Variants in FRAS1 observed in about 807,000 individuals in gnomAD.
FRAS1 encodes the protein extracellular matrix organizing protein FRAS1.
FRAS1 carries 290 observed loss-of-function variants against 435.2 expected under a neutral mutation model. The observed-to-expected ratio is 0.67, with a 90% confidence interval of 0.61 to 0.73. The LOEUF (loss-of-function observed/expected upper bound fraction) is 0.73. Ranked by LOEUF, FRAS1 falls within the 30% of genes least tolerant of loss-of-function variation. The probability of loss-of-function intolerance (pLI) is 0.00; values close to 1 mark genes in which losing one functional copy is unlikely to be tolerated. For synonymous variants in FRAS1, 1,800 were observed against 1,851.0 expected (o/e 0.97, Z 0.71); for missense variants, 4,860 against 5,001.5 (o/e 0.97, Z 0.85).
At chr4:78,443,111 G>A (rs1734721463) in intron 41 of FRAS1, among the ~76,000 whole-genome samples, 1 of 152,194 alleles carries the variant, frequency 6.6e-6, no homozygotes, top group Non-Finnish European at 1.5e-5. Flanking sequence ...CACTTTGGGA[G>A]GCCAAGGTGG....
At position 78,450,309 on chromosome 4, in the gene FRAS1, C is replaced by A. The variant is rs756005814; in HGVS notation, c.6433C>A (p.Arg2145=). ...LEQISIKGPI[R]SFTQADISQG... ...GCAAATTTCTATTAAAGGCCCCATC[C>A]GAAGTTTCACCCAGGCAGACATTAG... The change falls in exon 45 of 74, where the codon CGA becomes AGA. Residue 2145 remains arginine (R), a synonymous_variant. Coordinates refer to ENST00000512123, the MANE Select transcript of FRAS1 (RefSeq NM_025074.7). 3 of 1,613,718 alleles carry A rather than the reference C, an allele frequency of 1.9e-6. No homozygotes were observed. The highest frequency in any genetic ancestry group is 2.5e-6 in the Non-Finnish European group (3 of 1,179,796).
intron 6 of FRAS1, among the ~76,000 whole-genome samples, chr4:78,262,462 G>T (rs968164267): frequency 6.6e-6 from 1 of 152,186 alleles, no homozygotes; most frequent in African/African-American, 2.4e-5. Context: ...GTTAGAGCTA[G>T]GAAGGTGGAA....
chr4:78,391,541 G>A (rs967217453), intron 29 of FRAS1, among the ~76,000 whole-genome samples: 5 of 152,098 alleles, frequency 3.3e-5, no homozygotes, highest in Admixed American at 2.6e-4. Context: ...TCTACTACTG[G>A]GGTTTCAAGG....
intron 56 of FRAS1, 35 bp downstream of exon 56, chr4:78,479,753 TC>T: frequency 6.9e-7 from 1 of 1,456,168 alleles, no homozygotes; most frequent in Non-Finnish European, 9.2e-7. Flanking sequence ...CCTTCACCTG[TC>T]TCCTGATTCC....
intron 56 of FRAS1, among the ~76,000 whole-genome samples, chr4:78,481,074 G>A (rs74693511): frequency 0.011 from 1,745 of 152,278 alleles, 30 homozygotes; most frequent in African/African-American, 0.04. Flanking sequence ...TTCCCATACA[G>A]CAAATGCCCA....
At chr4:78,354,023 T>TAAAAAAAAAAAAAAA (rs767987937) in intron 20 of FRAS1, among the ~76,000 whole-genome samples, 14 of 106,050 alleles carry the variant, frequency 1.3e-4, no homozygotes, top group East Asian at 4.0e-4. Context: ...AAAAATAAAA[T>TAAAAAAAAAAAAAAA]AAAAAAAAAA....
Position 78,391,543 on chromosome 4 carries a change from G to T in FRAS1, c.3975+3842G>T, listed in dbSNP as rs546610144. On this transcript the variant is annotated intron_variant, in intron 29 of 73. Coordinates refer to ENST00000512123, the MANE Select transcript of FRAS1 (RefSeq NM_025074.7). Reference sequence around the variant, plus strand: ...TGGTGGGCTTCTGTCTACTACTGGGGTTTCAAGGAATTGTCTTCTTTTTCA... The same window carrying T: ...TGGTGGGCTTCTGTCTACTACTGGGTTTTCAAGGAATTGTCTTCTTTTTCA... Among the ~76,000 whole-genome samples, 3 of 152,186 alleles carry T rather than the reference G, an allele frequency of 2.0e-5. No individual in the cohort carries two copies. In the South Asian group the frequency reaches 6.2e-4, roughly 32 times the overall value.
chr4:78,336,432 C>G (rs1442074462), intron 19 of FRAS1, among the ~76,000 whole-genome samples: 1 of 152,154 alleles, frequency 6.6e-6, no homozygotes, highest in Non-Finnish European at 1.5e-5. Flanking sequence ...CCTCTTTCCG[C>G]TGGGAGCCAG....
At chr4:78,145,709 T>C (rs1475384744) in intron 2 of FRAS1, among the ~76,000 whole-genome samples, 11 of 152,208 alleles carry the variant, frequency 7.2e-5, no homozygotes, top group Admixed American at 7.2e-4. Context: ...ATCAAGAGAT[T>C]CTTAAAAAGT....
intron 44 of FRAS1, 53 bp downstream of exon 44, chr4:78,448,369 T>G (rs1718920571): frequency 6.7e-7 from 1 of 1,492,092 alleles, no homozygotes. Context: ...TTATTTCTTC[T>G]TTGTCCAGTA....
intron 2 of FRAS1, among the ~76,000 whole-genome samples, chr4:78,185,260 G>A (rs941522227): frequency 6.6e-6 from 1 of 152,200 alleles, no homozygotes; most frequent in Non-Finnish European, 1.5e-5. Context: ...AGCAAATAGA[G>A]TGAAAGGCAA....
rs1198552405 is a variant in FRAS1, at chr4:78,220,944, G to A, written c.109-16566G>A. Among the ~76,000 whole-genome samples the A allele has an allele frequency of 5.3e-5, 8 of 152,314 alleles. No individual in the cohort carries two copies. The East Asian group carries it at 1.5e-3, about 29-fold the overall frequency. Reference sequence around the variant, plus strand: ...TGACTTTGGGAGGCTGAGGCGGGCAGATGGCTTGAGCTTAGGCATTTGAGA... The same window carrying A: ...TGACTTTGGGAGGCTGAGGCGGGCAAATGGCTTGAGCTTAGGCATTTGAGA... On this transcript the variant is annotated intron_variant, in intron 2 of 73. Transcript: ENST00000512123.
At chr4:78,339,929 G>C (rs2110269231) in intron 20 of FRAS1, among the ~76,000 whole-genome samples, 1 of 152,230 alleles carries the variant, frequency 6.6e-6, no homozygotes, top group South Asian at 2.1e-4. Context: ...TTAGAAGGTA[G>C]GACCTGAATT....
intron 2 of FRAS1, among the ~76,000 whole-genome samples, chr4:78,098,068 G>A (rs766860463): frequency 1.1e-4 from 17 of 152,024 alleles, no homozygotes; most frequent in South Asian, 2.1e-4. Flanking sequence ...GTAGTAATTC[G>A]TTATGGCAGC....
At position 78,452,273 on chromosome 4, in the gene FRAS1, C is replaced by T; in HGVS notation, c.6682C>T (p.Gln2228Ter). 1 of 1,613,796 alleles carries T rather than the reference C, an allele frequency of 6.2e-7. No individual in the cohort carries two copies. Among genetic ancestry groups the T allele is most frequent in the Non-Finnish European group, 8.5e-7 (1 of 1,179,762 alleles). Residue 2228 changes from glutamine (Q) to a stop codon, truncating the protein, a stop_gained, in exon 47 of 74, where the codon CAG becomes TAG. Coordinates refer to ENST00000512123, the MANE Select transcript of FRAS1 (RefSeq NM_025074.7). LOFTEE classifies it high-confidence loss of function. ...ITTLQLSATD[Q>*]DSGPTELIYR... ...CACCCTGCAGCTGTCTGCCACTGAC[C>T]AGGACAGTGGGCCTACAGAATTGAT...
chr4:78,193,392 T>C (rs1323968626), intron 2 of FRAS1, among the ~76,000 whole-genome samples: 7 of 152,296 alleles, frequency 4.6e-5, no homozygotes, highest in Admixed American at 1.3e-4. Flanking sequence ...CCCATTATTA[T>C]TGTGTGGGAG....
chr4:78,135,572 G>T (rs934703905), intron 2 of FRAS1, among the ~76,000 whole-genome samples: 13 of 152,218 alleles, frequency 8.5e-5, no homozygotes, highest in African/African-American at 2.9e-4. Flanking sequence ...ATTCCTAAAT[G>T]GGTTCACTCA....
intron 16 of FRAS1, among the ~76,000 whole-genome samples, chr4:78,316,476 G>C (rs1292370243): frequency 6.6e-6 from 1 of 151,950 alleles, no homozygotes; most frequent in African/African-American, 2.4e-5. Flanking sequence ...TACTCACCTG[G>C]TGTTCACCAC....
At chr4:78,378,358 G>T (rs1006304723) in intron 26 of FRAS1, among the ~76,000 whole-genome samples, 1 of 152,012 alleles carries the variant, frequency 6.6e-6, no homozygotes, top group African/African-American at 2.4e-5. Flanking sequence ...TTCACTTTTT[G>T]ACTATTATGA....
Sources: gnomAD v4.1 joint callset for allele counts (sites outside exome capture counted in the v4.1 genomes callset) on GRCh38, gnomAD v4.1.1 for gene constraint, MANE v1.5 for transcripts, NCBI Gene and HGNC (gene_info 2026-07-23, HGNC 2026-07-21) for gene names.